The following SORD variants were observed in gnomAD, a reference collection of about 807,000 sequenced individuals.
The protein encoded by SORD is sorbitol dehydrogenase.
A neutral mutation model predicts 35.6 loss-of-function variants in SORD; 18 were observed. The ratio of observed to expected loss-of-function variants is 0.51; its 90% CI spans 0.35 to 0.75. The LOEUF (loss-of-function observed/expected upper bound fraction) is 0.75. Among genes scored for constraint, SORD ranks in the 30% least tolerant of loss-of-function variants. The probability of loss-of-function intolerance (pLI) is 0.01; values close to 1 mark genes in which losing one functional copy is unlikely to be tolerated. For missense variants in SORD, 250 were observed against 390.2 expected (o/e 0.64, Z 3.03); for synonymous variants, 106 against 152.9 (o/e 0.69, Z 2.26).
chr15:45,026,331 A>G (rs1892668103), intron 1 of SORD, among the ~76,000 whole-genome samples: 1 of 152,252 alleles, frequency 6.6e-6, no homozygotes, highest in African/African-American at 2.4e-5. Flanking sequence ...CAAGAGGACC[A>G]AAATGAAACC....
chr15:45,065,226 T>C (rs1486193678), intron 4 of SORD, 45 bp from the exon 5 acceptor site: 4 of 1,363,086 alleles, frequency 2.9e-6, no homozygotes, highest in South Asian at 1.2e-5. Flanking sequence ...ATTGTTAGCA[T>C]TGTAGTTAAC....
chr15:45,073,136 C>T lies in SORD; in HGVS notation c.909-229C>T, dbSNP rs1383781839. On this transcript the variant is annotated intron_variant, in intron 8 of 8. Coordinates refer to ENST00000267814, the MANE Select transcript of SORD (RefSeq NM_003104.6). Reference sequence around the variant, plus strand: ...CAGGAATTCTAGGCTCCATGGCAGACGTGGCAGAGTGAGCGGGTGGGTGAG... The same window carrying T: ...CAGGAATTCTAGGCTCCATGGCAGATGTGGCAGAGTGAGCGGGTGGGTGAG... 1.2e-4 allele frequency among the ~76,000 whole-genome samples: 16 copies of T among 128,800 alleles called. 4 individuals carry two copies. The highest frequency in any genetic ancestry group is 4.2e-4 in the African/African-American group (10 of 23,848). The allele number at this position is 128,800 out of a possible 152,430, so 84.5% of individuals were successfully genotyped here.
At chr15:45,038,358 C>T (rs1490559447) in intron 1 of SORD, among the ~76,000 whole-genome samples, 1 of 152,108 alleles carries the variant, frequency 6.6e-6, no homozygotes, top group Non-Finnish European at 1.5e-5. Context: ...GTAGGATGTA[C>T]CATGTAGGGT....
intron 6 of SORD, 66 bp downstream of exon 6, chr15:45,068,312 G>A (rs549064744): frequency 5.3e-5 from 60 of 1,135,908 alleles, no homozygotes; most frequent in South Asian, 3.9e-4. Flanking sequence ...ATGTGCATGT[G>A]TGAGGAGAGG....
At chr15:45,046,888 T>C (rs894685255) in intron 3 of SORD, among the ~76,000 whole-genome samples, 4 of 152,080 alleles carry the variant, frequency 2.6e-5, no homozygotes, top group Admixed American at 1.3e-4. Flanking sequence ...CGTGGTGGCA[T>C]GCATCTGTAA....
chr15:45,069,462 G>A (rs183686343), intron 7 of SORD, among the ~76,000 whole-genome samples: 3 of 151,622 alleles, frequency 2.0e-5, no homozygotes, highest in East Asian at 3.9e-4. Flanking sequence ...CGCCCTCCTC[G>A]GCCTCTCAAA....
At chr15:45,064,096 C>G (rs999609721) in intron 4 of SORD, among the ~76,000 whole-genome samples, 2 of 148,934 alleles carry the variant, frequency 1.3e-5, no homozygotes, top group African/African-American at 2.5e-5. Flanking sequence ...ACATTTATTT[C>G]TTTTTGGAAC....
chr15:45,060,857 C>A (rs1340054439), intron 3 of SORD: 2 of 1,071,818 alleles, frequency 1.9e-6, no homozygotes, highest in East Asian at 6.1e-5. Context: ...CAAGTTTCCT[C>A]ACTTGCCTAG....
In SORD at chr15:45,064,429, C is replaced by T. The variant is rs146526375; in HGVS notation, c.426-842C>T. 1.8e-3 allele frequency among the ~76,000 whole-genome samples: 269 copies of T among 152,284 alleles called. 2 individuals are homozygous for T. Among genetic ancestry groups the T allele is most frequent in the Middle Eastern group, 6.8e-3 (2 of 294 alleles). ...AGGATTAAATGAGATAATGGATGAG[C>T]GTGCTTCCTAATCTGTAAAGCTTTA... is the stretch of plus-strand genomic sequence containing the variant. On this transcript the variant is annotated intron_variant, in intron 4 of 8. Transcript: ENST00000267814.
chr15:45,072,856 G>T (rs1443667903), intron 8 of SORD, among the ~76,000 whole-genome samples: 2 of 141,546 alleles, frequency 1.4e-5, no homozygotes, highest in Non-Finnish European at 3.0e-5. Context: ...GGAGCGAAAG[G>T]GTCTTAGTTT....
At chr15:45,024,232 T>C (rs1892635353) in intron 1 of SORD, among the ~76,000 whole-genome samples, 1 of 152,174 alleles carries the variant, frequency 6.6e-6, no homozygotes, top group Non-Finnish European at 1.5e-5. Context: ...GCCAGCCATC[T>C]CTGCTGCTCC....
intron 1 of SORD, among the ~76,000 whole-genome samples, chr15:45,039,000 A>G (rs959113663): frequency 1.2e-4 from 19 of 152,228 alleles, no homozygotes; most frequent in Admixed American, 3.3e-4. Flanking sequence ...CTCTGGTAGC[A>G]TGACCTTGAC....
intron 1 of SORD, among the ~76,000 whole-genome samples, chr15:45,029,347 C>A (rs1430016929): frequency 6.6e-6 from 1 of 152,284 alleles, no homozygotes; most frequent in East Asian, 1.9e-4. Context: ...GTGATGCAAG[C>A]TTTTTCTTGG....
chr15:45,048,419 A>G (rs2141273479), intron 3 of SORD, among the ~76,000 whole-genome samples: 1 of 152,288 alleles, frequency 6.6e-6, no homozygotes, highest in South Asian at 2.1e-4. Context: ...GTCATGAAAA[A>G]CAACTAGAGA....
At chr15:45,029,812 G>A (rs1234766191) in intron 1 of SORD, among the ~76,000 whole-genome samples, 1 of 152,242 alleles carries the variant, frequency 6.6e-6, no homozygotes, top group Non-Finnish European at 1.5e-5. Flanking sequence ...AACTGGAGAG[G>A]GGATGGGAAG....
chr15:45,029,406 T>C (rs1892733605), intron 1 of SORD, among the ~76,000 whole-genome samples: 1 of 144,676 alleles, frequency 6.9e-6, no homozygotes, highest in African/African-American at 2.7e-5. Context: ...CTCAACCCCT[T>C]GTGGGAGGGA....
intron 7 of SORD, chr15:45,070,657 A>G (rs977030898): frequency 1.3e-5 from 2 of 152,284 alleles, no homozygotes; most frequent in African/African-American, 2.4e-5. Context: ...TACCCATGGT[A>G]TGTCTTGGGT....
At chr15:45,040,560 A>G (rs1220217160) in intron 2 of SORD, 119 bp downstream of exon 2, 3 of 793,300 alleles carry the variant, frequency 3.8e-6, no homozygotes, top group Non-Finnish European at 6.4e-6. Context: ...GCATCCATTA[A>G]AAACCTATGC....
intron 1 of SORD, among the ~76,000 whole-genome samples, chr15:45,035,720 A>G (rs1018812183): frequency 6.6e-6 from 1 of 152,194 alleles, no homozygotes; most frequent in African/African-American, 2.4e-5. Context: ...TGCCTTTATG[A>G]GCTGTAACAC....
Sources: gnomAD v4.1 joint callset for allele counts (sites outside exome capture counted in the v4.1 genomes callset) on GRCh38, gnomAD v4.1.1 for gene constraint, MANE v1.5 for transcripts, NCBI Gene and HGNC (gene_info 2026-07-23, HGNC 2026-07-21) for gene names.